Variants in RPAP2 observed in about 807,000 individuals in gnomAD.
RPAP2 encodes RNA polymerase II associated protein 2.
RPAP2 carries 52 observed loss-of-function variants against 73.1 expected under a neutral mutation model. The observed-to-expected ratio is 0.71, with a 90% CI of 0.57 to 0.90. RPAP2 has a LOEUF of 0.90. Among genes scored for constraint, RPAP2 ranks in the 40% least tolerant of loss-of-function variants. The pLI is 0.00. For missense variants in RPAP2, 598 were observed against 701.8 expected (o/e 0.85, Z 1.67); for synonymous variants, 225 against 242.1 (o/e 0.93, Z 0.65).
At chr1:92,346,937 C>G (rs1653932897) in intron 11 of RPAP2, among the ~76,000 whole-genome samples, 1 of 152,168 alleles carries the variant, frequency 6.6e-6, no homozygotes, top group South Asian at 2.1e-4. Context: ...ACCAGACACT[C>G]ACAGGTCAAA....
intron 11 of RPAP2, among the ~76,000 whole-genome samples, chr1:92,357,801 G>GGATT (rs1351798144): frequency 1.3e-5 from 2 of 152,236 alleles, no homozygotes; most frequent in Non-Finnish European, 2.9e-5. Flanking sequence ...CAAAGTGTTG[G>GGATT]GATTACAGGC....
At chr1:92,338,879 C>T (rs575607945) in intron 10 of RPAP2, among the ~76,000 whole-genome samples, 1 of 152,096 alleles carries the variant, frequency 6.6e-6, no homozygotes, top group South Asian at 2.1e-4. Flanking sequence ...GCTGGGATTA[C>T]AGACACAGGC....
intron 12 of RPAP2, among the ~76,000 whole-genome samples, chr1:92,384,236 G>A (rs903776489): frequency 3.3e-5 from 5 of 151,910 alleles, no homozygotes; most frequent in Non-Finnish European, 7.4e-5. Context: ...GATTACAAGC[G>A]TGAGCCACCG....
chr1:92,335,041 G>A (rs189982705), intron 9 of RPAP2, among the ~76,000 whole-genome samples: 2 of 152,132 alleles, frequency 1.3e-5, no homozygotes, highest in East Asian at 1.9e-4. Context: ...TACTACTCAG[G>A]AGGCTGAAGT....
chr1:92,385,557 A>G (rs1655831911), intron 12 of RPAP2, among the ~76,000 whole-genome samples: 1 of 152,110 alleles, frequency 6.6e-6, no homozygotes, highest in Non-Finnish European at 1.5e-5. Flanking sequence ...TTTTGTTTGC[A>G]TTATTTTGGT....
intron 11 of RPAP2, among the ~76,000 whole-genome samples, chr1:92,376,597 G>A (rs574069213): frequency 5.9e-5 from 9 of 152,252 alleles, no homozygotes; most frequent in Middle Eastern, 3.4e-3. Flanking sequence ...CCAGACACCA[G>A]ACTTTGTGTG....
At chr1:92,374,056 A>G (rs1286465111) in intron 11 of RPAP2, among the ~76,000 whole-genome samples, 1 of 152,226 alleles carries the variant, frequency 6.6e-6, no homozygotes, top group Non-Finnish European at 1.5e-5. Context: ...CATGAAAGCA[A>G]CTATGGAATA....
intron 11 of RPAP2, among the ~76,000 whole-genome samples, chr1:92,350,263 T>C (rs1485443113): frequency 5.9e-5 from 9 of 152,228 alleles, no homozygotes; most frequent in Admixed American, 5.9e-4. Context: ...AATGTTCCTT[T>C]AATTCCTTTA....
At position 92,317,637 on chromosome 1, in the gene RPAP2, C is replaced by T. The variant is rs78833138; in HGVS notation, c.489-2962C>T. ...ATGCATGGTGGCGATAGTTGCACAA[C>T]AGTGTAAATATACTTCATGCTACTG... On this transcript the variant is annotated intron_variant, in intron 6 of 12. Transcript: ENST00000610020. Among the ~76,000 whole-genome samples the T allele has an allele frequency of 5.9e-3, 903 of 152,256 alleles. 7 individuals carry two copies. The highest frequency in any genetic ancestry group is 0.019 in the African/African-American group (795 of 41,532).
chr1:92,345,372 G>A (rs1426091035), intron 10 of RPAP2, among the ~76,000 whole-genome samples: 4 of 92,056 alleles, frequency 4.3e-5, no homozygotes, highest in Non-Finnish European at 5.9e-5. Context: ...GCAAGACCCC[G>A]TTTCTTTAAA....
intron 7 of RPAP2, among the ~76,000 whole-genome samples, chr1:92,321,386 TAA>T (rs1652249055): frequency 6.6e-6 from 1 of 152,186 alleles, no homozygotes; most frequent in Admixed American, 6.5e-5. Flanking sequence ...AGATTCTAAC[TAA>T]AAGATGGTAT....
At position 92,399,045 on chromosome 1, in the gene RPAP2, G is replaced by T. The variant is rs1159733854; in HGVS notation, c.*12034G>T. 1 of 152,232 alleles carries T rather than the reference G, an allele frequency of 6.6e-6. No individual in the cohort carries two copies. Among genetic ancestry groups the T allele is most frequent in the South Asian group, 2.1e-4 (1 of 4,834 alleles). 9.4% of individuals were successfully genotyped at this position (152,232 alleles called of 1,614,324 possible). ...GGAAAACATTACCAATAAAGGAGCT[G>T]GGAGGTGGAATTGGATCAAAATACC... On this transcript the variant is annotated 3_prime_UTR_variant, in exon 13 of 13. Coordinates refer to ENST00000610020, the MANE Select transcript of RPAP2 (RefSeq NM_024813.3).
chr1:92,354,749 T>TA (rs1324653124), intron 11 of RPAP2, among the ~76,000 whole-genome samples: 1 of 152,026 alleles, frequency 6.6e-6, no homozygotes, highest in African/African-American at 2.4e-5. Context: ...TACTTCTTAA[T>TA]ATTATATTCT....
chr1:92,367,585 TTCA>T (rs764174947), intron 11 of RPAP2, among the ~76,000 whole-genome samples: 18 of 152,314 alleles, frequency 1.2e-4, no homozygotes, highest in Middle Eastern at 3.4e-3. Context: ...TCTTTACATC[TTCA>T]TCACCTTTAT....
intron 8 of RPAP2, among the ~76,000 whole-genome samples, chr1:92,331,467 C>T (rs942662400): frequency 1.3e-5 from 2 of 152,086 alleles, no homozygotes; most frequent in Admixed American, 1.3e-4. Flanking sequence ...TTTTTAGCCT[C>T]TGTTAAATTG....
At position 92,324,401 on chromosome 1, in the gene RPAP2, TC is replaced by T. The variant is rs1652505877; in HGVS notation, c.1455+28del. 7.2e-6 allele frequency: 11 copies of T among 1,537,218 alleles called. No homozygotes were observed. In the Middle Eastern group the frequency reaches 5.2e-4, roughly 73 times the overall value. On this transcript the variant is annotated intron_variant, in intron 8 of 12. Coordinates refer to ENST00000610020, the MANE Select transcript of RPAP2 (RefSeq NM_024813.3). ...GTATGTCTTACAGACATTGAGTTTT[TC>T]CAGATCGTTAACATTTGGAAAACTC... is the stretch of plus-strand genomic sequence containing the variant.
chr1:92,387,078 G>C lies in RPAP2; in HGVS notation c.*67G>C. 1.3e-6 allele frequency: 2 copies of C among 1,517,100 alleles called. No homozygotes were observed. Among genetic ancestry groups the C allele is most frequent in the Admixed American group, 3.5e-5 (2 of 57,202 alleles). The allele number at this position is 1,517,100 out of a possible 1,614,324, so 94.0% of individuals were successfully genotyped here. A position where few individuals can be genotyped will look rare whatever the true frequency, so the allele number is the denominator to read the frequency against. On this transcript the variant is annotated 3_prime_UTR_variant, in exon 13 of 13. Coordinates refer to ENST00000610020, the MANE Select transcript of RPAP2 (RefSeq NM_024813.3). ...CCGTTTCTGGAATTCTAGCCGCCAT[G>C]ATGGTCTGGTGGTGACTGATAACTA...
intron 11 of RPAP2, among the ~76,000 whole-genome samples, chr1:92,354,401 T>A (rs1374485177): frequency 6.6e-6 from 1 of 152,222 alleles, no homozygotes; most frequent in Non-Finnish European, 1.5e-5. Flanking sequence ...AGCATTCATC[T>A]GCCAAGCTGT....
chr1:92,349,545 A>T (rs1654092910), intron 11 of RPAP2, among the ~76,000 whole-genome samples: 1 of 152,192 alleles, frequency 6.6e-6, no homozygotes. Context: ...GAATTTTCAC[A>T]CCTTTATTCT....
Sources: gnomAD v4.1 joint callset for allele counts (sites outside exome capture counted in the v4.1 genomes callset) on GRCh38, gnomAD v4.1.1 for gene constraint, MANE v1.5 for transcripts, NCBI Gene and HGNC (gene_info 2026-07-23, HGNC 2026-07-21) for gene names.